The following DGKB variants were observed in gnomAD, a reference collection of about 807,000 sequenced individuals.
DGKB encodes the protein diacylglycerol kinase beta, also known as 90 kDa diacylglycerol kinase.
A neutral mutation model predicts 114.3 loss-of-function variants in DGKB; 67 were observed. The observed-to-expected ratio is 0.59, with a 90% CI of 0.48 to 0.72. DGKB has a LOEUF of 0.72. Ranked by LOEUF, DGKB falls within the 30% of genes least tolerant of loss-of-function variation. The pLI, the probability that DGKB is intolerant of heterozygous loss-of-function variation, is 0.00. For synonymous variants in DGKB, 398 were observed against 323.1 expected, an observed-to-expected ratio of 1.23 and a Z score of -2.49; for missense variants, 907 against 975.2, an observed-to-expected ratio of 0.93 and a Z score of 0.93.
At chr7:14,313,531 G>A (rs529911349) in intron 23 of DGKB, among the ~76,000 whole-genome samples, 3 of 151,970 alleles carry the variant, frequency 2.0e-5, no homozygotes, top group African/African-American at 4.8e-5. Flanking sequence ...CTGGAAAATC[G>A]GGAAAATCGG....
intron 13 of DGKB, among the ~76,000 whole-genome samples, chr7:14,653,370 T>C (rs1464420871): frequency 5.3e-5 from 8 of 151,910 alleles, no homozygotes; most frequent in Admixed American, 1.3e-4. Flanking sequence ...ATGGATGAAA[T>C]TGGAAATCAT....
intron 13 of DGKB, among the ~76,000 whole-genome samples, chr7:14,671,713 C>G (rs979104167): frequency 6.6e-6 from 1 of 152,060 alleles, no homozygotes; most frequent in Non-Finnish European, 1.5e-5. Flanking sequence ...TCATAGATCT[C>G]ATCTTAGAGT....
chr7:14,168,900 A>C (rs1780381192), intron 25 of DGKB, among the ~76,000 whole-genome samples: 1 of 152,214 alleles, frequency 6.6e-6, no homozygotes, highest in Non-Finnish European at 1.5e-5. Context: ...TTTTATTTTT[A>C]GTATGTATGT....
chr7:14,951,161 A>T (rs1192107298), intron 1 of DGKB, among the ~76,000 whole-genome samples: 1 of 151,996 alleles, frequency 6.6e-6, no homozygotes, highest in Non-Finnish European at 1.5e-5. Context: ...TAGTGATAAG[A>T]CTAAATTTTT....
At chr7:14,910,267 AAAG>A (rs1783924377) in intron 1 of DGKB, among the ~76,000 whole-genome samples, 2 of 96,978 alleles carry the variant, frequency 2.1e-5, no homozygotes, top group Non-Finnish European at 4.7e-5. Flanking sequence ...AGAAAGAAAG[AAAG>A]AAAGAAAGAA....
chr7:14,878,758 A>AAC (rs373240646), intron 1 of DGKB, among the ~76,000 whole-genome samples: 16,954 of 147,722 alleles, frequency 0.11, 1,368 homozygotes, highest in Non-Finnish European at 0.18. Flanking sequence ...CAAAAAACAA[A>AAC]AAAAAAAAAA....
At chr7:14,474,877 G>T (rs10267135) in intron 21 of DGKB, among the ~76,000 whole-genome samples, 2 of 150,620 alleles carry the variant, frequency 1.3e-5, no homozygotes, top group Admixed American at 6.6e-5. Context: ...TTCAAATTCC[G>T]TTTGTTGGAA....
At chr7:14,823,444 G>A (rs1231982653) in intron 2 of DGKB, among the ~76,000 whole-genome samples, 1 of 151,928 alleles carries the variant, frequency 6.6e-6, no homozygotes, top group Admixed American at 6.6e-5. Flanking sequence ...ATTATTCAAG[G>A]TAAAAATCAC....
chr7:14,961,905 A>C (rs17168555), intron 1 of DGKB, among the ~76,000 whole-genome samples: 4,147 of 152,122 alleles, frequency 0.027, 122 homozygotes, highest in East Asian at 0.13. Flanking sequence ...AGTTTCACAC[A>C]ATGCAGAAAT....
chr7:14,427,161 T>C (rs1262577475), intron 21 of DGKB, among the ~76,000 whole-genome samples: 1 of 151,916 alleles, frequency 6.6e-6, no homozygotes, highest in Non-Finnish European at 1.5e-5. Context: ...ACCTAGGTAA[T>C]AGGTTGATAG....
intron 13 of DGKB, among the ~76,000 whole-genome samples, chr7:14,658,457 T>C (rs1251345106): frequency 6.6e-6 from 1 of 151,860 alleles, no homozygotes; most frequent in East Asian, 1.9e-4. Flanking sequence ...GAGAGGTTGG[T>C]TAATGGATAC....
At chr7:14,653,778 T>A (rs1815171043) in intron 13 of DGKB, among the ~76,000 whole-genome samples, 1 of 152,026 alleles carries the variant, frequency 6.6e-6, no homozygotes, top group Admixed American at 6.6e-5. Context: ...GAAAAAGTCT[T>A]ACGATCATCA....
intron 21 of DGKB, among the ~76,000 whole-genome samples, chr7:14,410,651 G>A (rs952893643): frequency 2.6e-5 from 4 of 152,022 alleles, no homozygotes; most frequent in African/African-American, 4.8e-5. Context: ...ACACATATAT[G>A]TGCACATACG....
At chr7:14,808,513 T>C (rs182591352) in intron 2 of DGKB, among the ~76,000 whole-genome samples, 1 of 152,122 alleles carries the variant, frequency 6.6e-6, no homozygotes, top group African/African-American at 2.4e-5. Flanking sequence ...GATTTCACTG[T>C]AAAGAGTTTC....
intron 13 of DGKB, among the ~76,000 whole-genome samples, chr7:14,653,718 T>C (rs1815152162): frequency 2.0e-5 from 3 of 151,532 alleles, no homozygotes; most frequent in Admixed American, 2.0e-4. Flanking sequence ...GCAAAGATGG[T>C]TCATATATGC....
chr7:14,971,621 G>C (rs928442849), intron 1 of DGKB, among the ~76,000 whole-genome samples: 1 of 151,958 alleles, frequency 6.6e-6, no homozygotes. Context: ...AATGAAAAAA[G>C]AAATAATAAG....
chr7:14,509,946 C>T lies in DGKB; in HGVS notation c.1771-31721G>A, dbSNP rs1038238542. Among the ~76,000 whole-genome samples, 10 of 152,254 alleles carry T rather than the reference C, an allele frequency of 6.6e-5. 2 individuals are homozygous for T. Among genetic ancestry groups the T allele is most frequent in the African/African-American group, 2.4e-5 (1 of 41,562 alleles). ...ATCCCCGCACATTGGGAGGCCGAGGCGGGCTGGTCATGAGGTCAGGAGATG... is the reference window on the plus strand; with the variant it reads ...ATCCCCGCACATTGGGAGGCCGAGGTGGGCTGGTCATGAGGTCAGGAGATG... On this transcript the variant is annotated intron_variant, in intron 20 of 25. Coordinates refer to ENST00000402815, the MANE Select transcript of DGKB (RefSeq NM_001350709.2).
intron 6 of DGKB, among the ~76,000 whole-genome samples, chr7:14,703,524 C>A (rs1403792756): frequency 6.6e-6 from 1 of 152,150 alleles, no homozygotes; most frequent in African/African-American, 2.4e-5. Context: ...TGACTTGAAG[C>A]TAGACTGTGT....
chr7:14,620,795 T>G (rs1807487069), intron 15 of DGKB, among the ~76,000 whole-genome samples: 1 of 151,812 alleles, frequency 6.6e-6, no homozygotes, highest in South Asian at 2.1e-4. Flanking sequence ...AACTTACACG[T>G]TTTTATATAA....
Sources: allele counts gnomAD v4.1 joint callset (sites outside exome capture counted in the v4.1 genomes callset), GRCh38; gene constraint gnomAD v4.1.1; transcripts MANE v1.5; gene names NCBI Gene and HGNC (gene_info 2026-07-23, HGNC 2026-07-21).